The following CCDC102B variants were observed in gnomAD, a reference collection of about 807,000 sequenced individuals.
CCDC102B encodes the protein coiled-coil domain-containing protein 102B.
Under a neutral mutation model 57.4 loss-of-function variants are expected in CCDC102B, and 75 were observed. That is an observed-to-expected ratio of 1.31 (90% CI 1.08 to 1.58). The LOEUF (loss-of-function observed/expected upper bound fraction) is 1.58, where lower values mean the gene tolerates loss of function less well. Among genes scored for constraint, CCDC102B ranks in the 40% most tolerant of loss-of-function variants. The probability of loss-of-function intolerance (pLI) is 0.00; values close to 1 mark genes in which losing one functional copy is unlikely to be tolerated. For missense variants in CCDC102B, 636 were observed against 582.6 expected, an observed-to-expected ratio of 1.09 and a Z score of -0.94; for synonymous variants, 206 against 201.9, an observed-to-expected ratio of 1.02 and a Z score of -0.17.
chr18:68,763,380 C>G (rs1284935913), intron 2 of CCDC102B, among the ~76,000 whole-genome samples: 1 of 152,016 alleles, frequency 6.6e-6, no homozygotes, highest in Non-Finnish European at 1.5e-5. Flanking sequence ...CCCTTTCTCT[C>G]TTGTATCCTT....
At chr18:68,805,531 G>A (rs540524379) in intron 1 of CCDC102B, among the ~76,000 whole-genome samples, 9 of 152,270 alleles carry the variant, frequency 5.9e-5, no homozygotes, top group South Asian at 2.1e-4. Context: ...ACAGAATAGG[G>A]AGGAGAGAGT....
chr18:68,797,412 A>T (rs573237284), upstream of CCDC102B, among the ~76,000 whole-genome samples: 1 of 151,562 alleles, frequency 6.6e-6, no homozygotes, highest in Non-Finnish European at 1.5e-5. Flanking sequence ...TTTTTATGTG[A>T]TCTCTCGCCT....
At chr18:68,922,917 A>T (rs2041336298) in intron 6 of CCDC102B, among the ~76,000 whole-genome samples, 2 of 152,136 alleles carry the variant, frequency 1.3e-5, no homozygotes, top group Non-Finnish European at 2.9e-5. Flanking sequence ...GATATTTTAC[A>T]AACATGGAAG....
At chr18:68,849,277 T>C (rs1300456055) in intron 4 of CCDC102B, among the ~76,000 whole-genome samples, 1 of 152,152 alleles carries the variant, frequency 6.6e-6, no homozygotes, top group Non-Finnish European at 1.5e-5. Flanking sequence ...GGCAAGGTCC[T>C]TGAAGATAGT....
chr18:68,805,118 C>T (rs1007577896), intron 1 of CCDC102B, among the ~76,000 whole-genome samples: 13 of 151,978 alleles, frequency 8.6e-5, no homozygotes, highest in Admixed American at 8.5e-4. Context: ...TATGATGGAA[C>T]CAGTGGATGG....
chr18:68,829,081 T>C (rs1201393952), intron 1 of CCDC102B, among the ~76,000 whole-genome samples: 1 of 151,986 alleles, frequency 6.6e-6, no homozygotes, highest in Non-Finnish European at 1.5e-5. Context: ...AACATTTGGA[T>C]TCACCAGAAA....
chr18:68,756,477 A>C (rs1005220891), intron 2 of CCDC102B, among the ~76,000 whole-genome samples: 1 of 152,194 alleles, frequency 6.6e-6, no homozygotes. Context: ...ATAATGTTTT[A>C]AAATGCAAAT....
intron 5 of CCDC102B, among the ~76,000 whole-genome samples, chr18:68,892,009 G>A (rs1031538969): frequency 1.5e-4 from 23 of 152,124 alleles, no homozygotes; most frequent in Admixed American, 1.5e-3. Context: ...TACGAGTTGT[G>A]TACTTAATTT....
At chr18:68,912,177 A>AAGTT (rs10692708) in intron 6 of CCDC102B, among the ~76,000 whole-genome samples, 141,175 of 151,990 alleles carry the variant, frequency 0.93, 65,620 homozygotes, top group East Asian at 0.99. Flanking sequence ...GTTTTCTACA[A>AAGTT]AGTAAGGTCT....
chr18:68,786,199 G>A (rs2035204185), intron 2 of CCDC102B, among the ~76,000 whole-genome samples: 2 of 151,644 alleles, frequency 1.3e-5, no homozygotes. Flanking sequence ...TCTCTGTTTT[G>A]GTACCAGTAC....
chr18:68,799,795 G>T (rs559898371), intron 1 of CCDC102B, among the ~76,000 whole-genome samples: 50 of 152,248 alleles, frequency 3.3e-4, no homozygotes, highest in African/African-American at 1.2e-3. Context: ...ATAAAAGAAT[G>T]GTGAGTAATT....
intron 1 of CCDC102B, among the ~76,000 whole-genome samples, chr18:68,835,879 G>A (rs1409080549): frequency 6.6e-6 from 1 of 152,144 alleles, no homozygotes; most frequent in African/African-American, 2.4e-5. Flanking sequence ...AATCTTCTCA[G>A]TACCCTTCAT....
chr18:68,862,724 C>T (rs964912219), intron 4 of CCDC102B, among the ~76,000 whole-genome samples: 1 of 152,080 alleles, frequency 6.6e-6, no homozygotes. Flanking sequence ...AACCAGAAAT[C>T]TTTATGCTGG....
At chr18:68,898,551 C>T (rs2040322944) in intron 6 of CCDC102B, among the ~76,000 whole-genome samples, 1 of 152,016 alleles carries the variant, frequency 6.6e-6, no homozygotes, top group Non-Finnish European at 1.5e-5. Flanking sequence ...TTGGAGATCT[C>T]TACTCTAAAA....
At chr18:68,974,859 G>A (rs78469687) in intron 6 of CCDC102B, among the ~76,000 whole-genome samples, 3,684 of 151,854 alleles carry the variant, frequency 0.024, 119 homozygotes, top group East Asian at 0.15. Flanking sequence ...TGATGTCTTT[G>A]CATGTGTTAC....
intron 2 of CCDC102B, among the ~76,000 whole-genome samples, chr18:68,732,286 T>C (rs931722972): frequency 2.6e-5 from 4 of 152,038 alleles, no homozygotes; most frequent in South Asian, 2.1e-4. Context: ...ATAATAACCA[T>C]AGCTTGAAGT....
intron 2 of CCDC102B, among the ~76,000 whole-genome samples, chr18:68,748,823 C>A (rs1160184513): frequency 6.6e-6 from 1 of 152,038 alleles, no homozygotes; most frequent in East Asian, 1.9e-4. Context: ...TCCAAATAAC[C>A]CAGAATAGTG....
chr18:68,881,911 T>A (rs898884486), intron 5 of CCDC102B, among the ~76,000 whole-genome samples: 1 of 152,174 alleles, frequency 6.6e-6, no homozygotes, highest in Non-Finnish European at 1.5e-5. Context: ...ATAAATTTAT[T>A]TGTACATTTT....
intron 1 of CCDC102B, among the ~76,000 whole-genome samples, chr18:68,803,339 G>A (rs1223659152): frequency 6.6e-6 from 1 of 152,144 alleles, no homozygotes. Context: ...AGTCTAGCTG[G>A]TAAAGCAGTA....
Sources: gnomAD v4.1 joint callset for allele counts (sites outside exome capture counted in the v4.1 genomes callset) on GRCh38, gnomAD v4.1.1 for gene constraint, MANE v1.5 for transcripts, NCBI Gene and HGNC (gene_info 2026-07-23, HGNC 2026-07-21) for gene names.